Variants in OXR1 observed in about 807,000 individuals in gnomAD.
The protein encoded by OXR1 is oxidation resistance protein 1.
In OXR1, 41 loss-of-function variants were observed where a neutral mutation model predicts 104.6. That is an observed-to-expected ratio of 0.39 (90% CI 0.31 to 0.51). The LOEUF is 0.51. Ranked by LOEUF, OXR1 falls within the 20% of genes least tolerant of loss-of-function variation. The probability of loss-of-function intolerance (pLI) is 0.77; values close to 1 mark genes in which losing one functional copy is unlikely to be tolerated. For missense variants in OXR1, 955 were observed against 1,031.9 expected, an observed-to-expected ratio of 0.93 and a Z score of 1.02; for synonymous variants, 348 against 348.4, an observed-to-expected ratio of 1.00 and a Z score of 0.01.
intron 3 of OXR1, among the ~76,000 whole-genome samples, chr8:106,588,615 G>A (rs1818836769): frequency 6.6e-6 from 1 of 151,764 alleles, no homozygotes; most frequent in Non-Finnish European, 1.5e-5. Context: ...AGCCTCCCGA[G>A]TAGCTGGGAA....
chr8:106,294,511 T>G (rs1023958559), intron 1 of OXR1, among the ~76,000 whole-genome samples: 1 of 151,992 alleles, frequency 6.6e-6, no homozygotes, highest in African/African-American at 2.4e-5. Flanking sequence ...TGCTGGCCTC[T>G]TCTCAGCTTC....
chr8:106,678,667 A>C (rs1264606432), intron 3 of OXR1, among the ~76,000 whole-genome samples: 1 of 152,048 alleles, frequency 6.6e-6, no homozygotes. Flanking sequence ...ATCTGAAAGT[A>C]AATGTTCAAA....
intron 2 of OXR1, among the ~76,000 whole-genome samples, chr8:106,407,679 CAT>C (rs1818293204): frequency 6.6e-6 from 1 of 152,138 alleles, no homozygotes; most frequent in East Asian, 1.9e-4. Context: ...CTGTCTGAAA[CAT>C]GTGATGGAGG....
intron 3 of OXR1, among the ~76,000 whole-genome samples, chr8:106,638,797 G>A (rs552786785): frequency 2.6e-5 from 4 of 151,764 alleles, no homozygotes; most frequent in Non-Finnish European, 5.9e-5. Flanking sequence ...GGAGGCTGAG[G>A]CAGGAGAAAT....
chr8:106,703,836 C>T (rs1226754340), intron 8 of OXR1, among the ~76,000 whole-genome samples: 2 of 152,108 alleles, frequency 1.3e-5, no homozygotes, highest in Admixed American at 1.3e-4. Flanking sequence ...TTGATATGTA[C>T]TAGGAAATAA....
intron 3 of OXR1, among the ~76,000 whole-genome samples, chr8:106,648,610 G>C (rs1185307959): frequency 6.6e-6 from 1 of 152,122 alleles, no homozygotes; most frequent in Admixed American, 6.6e-5. Context: ...TGCTGCGGGG[G>C]CAGGGGCAGA....
chr8:106,467,964 A>C (rs1821266260), intron 2 of OXR1, among the ~76,000 whole-genome samples: 1 of 151,878 alleles, frequency 6.6e-6, no homozygotes, highest in South Asian at 2.1e-4. Flanking sequence ...TTAAAGTATG[A>C]GGGAAAAGTA....
rs895752948 is a variant in OXR1 at position 106,479,095 on chromosome 8, G to A, written c.24-39848G>A. Among the ~76,000 whole-genome samples the A allele has an allele frequency of 3.3e-5, 5 of 151,850 alleles. No individual in the cohort carries two copies. In the East Asian group the frequency reaches 5.9e-4, roughly 18 times the overall value. ...GAGAAAAAGTGTGACTTTTCAATAG[G>A]TTGTTTCACTTTTACAATTCCATCC... On this transcript the variant is annotated intron_variant, in intron 2 of 16. Coordinates refer to ENST00000517566, the MANE Select transcript of OXR1 (RefSeq NM_001198533.2).
At chr8:106,425,090 T>G (rs1356393720) in intron 2 of OXR1, among the ~76,000 whole-genome samples, 8 of 142,578 alleles carry the variant, frequency 5.6e-5, no homozygotes, top group East Asian at 2.0e-4. Context: ...TTGGTTTTTT[T>G]TTTTTTTTTT....
At chr8:106,345,499 A>G (rs1563729089) in intron 1 of OXR1, among the ~76,000 whole-genome samples, 2 of 152,366 alleles carry the variant, frequency 1.3e-5, no homozygotes, top group East Asian at 1.9e-4. Context: ...TAACATTTAT[A>G]TAAGTGCAAG....
chr8:106,461,675 C>T (rs28392768), intron 2 of OXR1, among the ~76,000 whole-genome samples: 18,557 of 152,126 alleles, frequency 0.12, 3,827 homozygotes, highest in African/African-American at 0.42. Flanking sequence ...AGGATTCCTG[C>T]TGATTCTCAG....
chr8:106,355,183 A>T (rs1490632518), intron 1 of OXR1, among the ~76,000 whole-genome samples: 1 of 152,148 alleles, frequency 6.6e-6, no homozygotes, highest in Non-Finnish European at 1.5e-5. Flanking sequence ...TCTAATATGA[A>T]GATATAGTCT....
intron 3 of OXR1, among the ~76,000 whole-genome samples, chr8:106,676,423 G>GT (rs1432529814): frequency 2.0e-5 from 3 of 152,100 alleles, no homozygotes; most frequent in Non-Finnish European, 4.4e-5. Context: ...ACTTCATTGT[G>GT]TTTTTGTAGT....
intron 11 of OXR1, among the ~76,000 whole-genome samples, chr8:106,724,170 A>G (rs145562463): frequency 9.1e-4 from 139 of 152,352 alleles, no homozygotes; most frequent in African/African-American, 3.1e-3. Flanking sequence ...AAGGTAATTT[A>G]ATAACTTCAG....
chr8:106,435,210 TGAGG>T lies in OXR1; in HGVS notation c.23+75581_23+75584del, dbSNP rs1819520665. Among the ~76,000 whole-genome samples, 3 of 151,992 alleles carry T rather than the reference TGAGG, an allele frequency of 2.0e-5. No homozygotes were observed. The South Asian group carries it at 6.2e-4, about 32-fold the overall frequency. ...ACAAAGGTCAGCGTGGCTGAGGAAG[TGAGG>T]GAGGGAATGGTTGGTGAGGTTGGCA... On this transcript the variant is annotated intron_variant, in intron 2 of 16. Transcript: ENST00000517566.
At chr8:106,290,948 T>C (rs546325085) in intron 1 of OXR1, among the ~76,000 whole-genome samples, 6 of 152,288 alleles carry the variant, frequency 3.9e-5, no homozygotes, top group African/African-American at 1.4e-4. Flanking sequence ...GCTTGGTATA[T>C]GGCCAAAAGA....
chr8:106,315,105 G>A (rs146305267), intron 1 of OXR1, among the ~76,000 whole-genome samples: 391 of 151,784 alleles, frequency 2.6e-3, no homozygotes, highest in Admixed American at 6.5e-3. Context: ...AAGGGTCCTA[G>A]GCTTTTTAAG....
chr8:106,593,594 C>T (rs987314921), intron 3 of OXR1, among the ~76,000 whole-genome samples: 16 of 151,286 alleles, frequency 1.1e-4, no homozygotes, highest in Non-Finnish European at 2.2e-4. Context: ...CTGGCTAACA[C>T]GGTGAAACCC....
chr8:106,392,568 A>T (rs1817625531), intron 2 of OXR1, among the ~76,000 whole-genome samples: 1 of 152,144 alleles, frequency 6.6e-6, no homozygotes, highest in African/African-American at 2.4e-5. Context: ...GTTGCTTATG[A>T]TATGCAGTGA....
Sources: gnomAD v4.1 joint callset for allele counts (sites outside exome capture counted in the v4.1 genomes callset) on GRCh38, gnomAD v4.1.1 for gene constraint, MANE v1.5 for transcripts, NCBI Gene and HGNC (gene_info 2026-07-23, HGNC 2026-07-21) for gene names.